Variants in ATXN2 observed in about 807,000 individuals in gnomAD.
The protein encoded by ATXN2 is ataxin 2.
In ATXN2, 37 loss-of-function variants were observed where a neutral mutation model predicts 138.6. That is an observed-to-expected ratio of 0.27 (90% CI 0.21 to 0.35). The LOEUF is 0.35. ATXN2 is among the 10% of genes least tolerant of loss of function. The probability of loss-of-function intolerance (pLI) is 1.00; values close to 1 mark genes in which losing one functional copy is unlikely to be tolerated. For missense variants in ATXN2, 1,216 were observed against 1,480.3 expected (o/e 0.82, Z 2.93); for synonymous variants, 549 against 543.7 (o/e 1.01, Z -0.13).
intron 18 of ATXN2, among the ~76,000 whole-genome samples, chr12:111,477,127 G>A (rs1876874852): frequency 1.3e-5 from 2 of 150,444 alleles, no homozygotes; most frequent in Admixed American, 1.3e-4. Flanking sequence ...CAGATCACCT[G>A]AGGTCAGGAG....
intron 15 of ATXN2, 134 bp downstream of exon 15, chr12:111,488,342 T>C: frequency 1.1e-6 from 1 of 877,276 alleles, no homozygotes; most frequent in South Asian, 2.0e-5. Context: ...GACTAGCTGT[T>C]TGTAAACTAA....
chr12:111,459,073 T>C (rs950145582), intron 21 of ATXN2, among the ~76,000 whole-genome samples: 2 of 152,242 alleles, frequency 1.3e-5, no homozygotes, highest in Non-Finnish European at 2.9e-5. Context: ...TACAGCAGCT[T>C]TGTTTATACA....
chr12:111,467,446 T>A (rs571198275), intron 20 of ATXN2, among the ~76,000 whole-genome samples: 1 of 148,800 alleles, frequency 6.7e-6, no homozygotes, highest in African/African-American at 2.5e-5. Flanking sequence ...TCAGCCACCA[T>A]GCCCAGCTCC....
intron 23 of ATXN2, 158 bp from the exon 24 acceptor site, chr12:111,454,003 T>C: frequency 1.4e-6 from 1 of 708,882 alleles, no homozygotes; most frequent in East Asian, 2.9e-5. Flanking sequence ...GTAGATTATC[T>C]ATTGACCTGA....
chr12:111,577,816 G>T (rs1047626774), intron 1 of ATXN2, among the ~76,000 whole-genome samples: 1 of 152,044 alleles, frequency 6.6e-6, no homozygotes, highest in South Asian at 2.1e-4. Flanking sequence ...GCATGATGGC[G>T]TGCACCCACA....
intron 5 of ATXN2, among the ~76,000 whole-genome samples, chr12:111,544,728 A>T (rs748574513): frequency 2.0e-5 from 3 of 152,176 alleles, no homozygotes; most frequent in Admixed American, 2.0e-4. Context: ...AAAAATACAG[A>T]AGAGGAAATT....
chr12:111,553,572 CA>C lies in ATXN2; in HGVS notation c.348+585del, dbSNP rs757837884. ...AGACGCAACCATGCCTCTTTTTTCT[CA>C]AAAAAAAAAAAAAAAAAAAAAAAAA... On this transcript the variant is annotated intron_variant, in intron 3 of 24. Coordinates refer to ENST00000673436, the MANE Select transcript of ATXN2 (RefSeq NM_001372574.1). Among the ~76,000 whole-genome samples, 385 of 48,948 alleles carry C rather than the reference CA, an allele frequency of 7.9e-3. 1 individual carries two copies. Among genetic ancestry groups the C allele is most frequent in the Middle Eastern group, 0.033 (1 of 30 alleles). 32.1% of individuals were successfully genotyped at this position (48,948 alleles called of 152,430 possible).
intron 17 of ATXN2, 97 bp from the exon 18 acceptor site, chr12:111,485,428 GAGA>G: frequency 1.6e-6 from 2 of 1,236,040 alleles, no homozygotes; most frequent in South Asian, 1.4e-5. Flanking sequence ...AGCTAGGCAT[GAGA>G]AGGTTTCCTG....
At chr12:111,513,138 C>T (rs912843267) in intron 11 of ATXN2, 11 of 510,652 alleles carry the variant, frequency 2.2e-5, no homozygotes, top group Admixed American at 1.2e-4. Context: ...TTACTCACTG[C>T]GAAATCTCAA....
intron 1 of ATXN2, among the ~76,000 whole-genome samples, chr12:111,565,293 C>T (rs543761733): frequency 5.8e-4 from 89 of 152,260 alleles, no homozygotes; most frequent in South Asian, 6.2e-4. Flanking sequence ...GTGGAAACCC[C>T]GAGTCGGGCA....
At chr12:111,556,241 A>G (rs1488885146) in intron 1 of ATXN2, among the ~76,000 whole-genome samples, 2 of 152,152 alleles carry the variant, frequency 1.3e-5, no homozygotes, top group Non-Finnish European at 2.9e-5. Flanking sequence ...ATAGCCAGGC[A>G]TGTGGCATGC....
At chr12:111,583,778 A>AC (rs1227487402) in intron 1 of ATXN2, among the ~76,000 whole-genome samples, 4 of 150,746 alleles carry the variant, frequency 2.7e-5, no homozygotes, top group African/African-American at 4.8e-5. Context: ...AAAAAAAAAA[A>AC]AAAAAAAAAA....
chr12:111,464,451 AT>A (rs57014198), intron 21 of ATXN2, among the ~76,000 whole-genome samples: 15,533 of 151,862 alleles, frequency 0.1, 2,662 homozygotes, highest in African/African-American at 0.35. Context: ...GCAAAAATTG[AT>A]TTCTGAAACA....
At chr12:111,550,628 A>G (rs625093) in intron 5 of ATXN2, among the ~76,000 whole-genome samples, 31,284 of 152,138 alleles carry the variant, frequency 0.21, 3,336 homozygotes, top group East Asian at 0.33. Context: ...CTCCAAAGGT[A>G]GCAGCTAAAA....
intron 10 of ATXN2, among the ~76,000 whole-genome samples, chr12:111,515,438 G>A (rs527378067): frequency 6.6e-6 from 1 of 152,178 alleles, no homozygotes; most frequent in African/African-American, 2.4e-5. Flanking sequence ...TGGCAATGAT[G>A]GATTTAGCGC....
In ATXN2 at chr12:111,599,265, CGCCGTT is replaced by C. The variant is rs1200564134; in HGVS notation, c.-237_-232del. On this transcript the variant is annotated 5_prime_UTR_variant, in exon 1 of 25. Transcript: ENST00000673436. ...CGGGAGCCGGGCCGAAACGCGCCGC[CGCCGTT>C]GCCGTTGCTACCAAAACAGTCTGAG... The C allele has an allele frequency of 7.8e-6, 9 of 1,159,570 alleles. No homozygotes were observed. Among genetic ancestry groups the C allele is most frequent in the Non-Finnish European group, 9.5e-6 (9 of 945,262 alleles). The allele number at this position is 1,159,570 out of a possible 1,614,324, so 71.8% of individuals were successfully genotyped here. A position where few individuals can be genotyped will look rare whatever the true frequency, so the allele number is the denominator to read the frequency against.
At chr12:111,528,879 C>T (rs1233035360) in intron 5 of ATXN2, among the ~76,000 whole-genome samples, 1 of 152,156 alleles carries the variant, frequency 6.6e-6, no homozygotes, top group Admixed American at 6.5e-5. Flanking sequence ...ATCCATTCTG[C>T]ACTATTAATA....
chr12:111,595,596 C>T (rs1465507351), intron 1 of ATXN2, among the ~76,000 whole-genome samples: 2 of 149,168 alleles, frequency 1.3e-5, no homozygotes, highest in African/African-American at 2.5e-5. Context: ...GAGCTGAGAT[C>T]GTACCACTGC....
intron 14 of ATXN2, among the ~76,000 whole-genome samples, chr12:111,505,352 A>G (rs1430616266): frequency 1.3e-5 from 2 of 152,242 alleles, no homozygotes; most frequent in African/African-American, 4.8e-5. Flanking sequence ...AATCAGATAA[A>G]TTGGACTTCA....
Sources: allele counts gnomAD v4.1 joint callset (sites outside exome capture counted in the v4.1 genomes callset), GRCh38; gene constraint gnomAD v4.1.1; transcripts MANE v1.5; gene names NCBI Gene and HGNC (gene_info 2026-07-23, HGNC 2026-07-21).